Variants in MEGF10 observed in about 807,000 individuals in gnomAD.
MEGF10 encodes multiple epidermal growth factor-like domains protein 10.
MEGF10 carries 86 observed loss-of-function variants against 147.5 expected under a neutral mutation model. The ratio of observed to expected loss-of-function variants is 0.58; its 90% confidence interval spans 0.49 to 0.70. The LOEUF (loss-of-function observed/expected upper bound fraction) is 0.70, where lower values mean the gene tolerates loss of function less well. Ranked by LOEUF, MEGF10 falls within the 30% of genes least tolerant of loss-of-function variation. MEGF10 has a pLI of 0.00. For synonymous variants in MEGF10, 478 were observed against 525.5 expected, an observed-to-expected ratio of 0.91 and a Z score of 1.24; for missense variants, 1,329 against 1,487.3, an observed-to-expected ratio of 0.89 and a Z score of 1.75.
intron 4 of MEGF10, among the ~76,000 whole-genome samples, chr5:127,349,912 G>A (rs1271121987): frequency 6.6e-6 from 1 of 151,974 alleles, no homozygotes; most frequent in Admixed American, 6.6e-5. Context: ...AAATTTTTGT[G>A]CATATCTTTG....
intron 5 of MEGF10, among the ~76,000 whole-genome samples, chr5:127,387,575 A>C (rs1157564624): frequency 2.0e-5 from 3 of 152,164 alleles, no homozygotes; most frequent in African/African-American, 7.2e-5. Context: ...GATGACCATC[A>C]CTTCTTTGGG....
the MEGF10 span, among the ~76,000 whole-genome samples, chr5:127,238,141 CA>C: frequency 6.6e-6 from 1 of 151,376 alleles, no homozygotes; most frequent in Non-Finnish European, 1.5e-5. Flanking sequence ...CTGCAACCTC[CA>C]CCTCCAGGGT....
Position 127,434,565 on chromosome 5 carries a change from T to C in MEGF10, c.1841-122T>C, listed in dbSNP as rs1765492107. On this transcript the variant is annotated intron_variant, in intron 14 of 24. Transcript: ENST00000503335. ...TTTTCTACTTGGAAAATTCTCCGTA[T>C]CTTTTTTACTTTTTTTTAAGGTTTT... 9.1e-6 allele frequency: 10 copies of C among 1,093,952 alleles called. No individual in the cohort carries two copies. In the South Asian group the frequency reaches 2.0e-4, roughly 22 times the overall value. 67.8% of individuals were successfully genotyped at this position (1,093,952 alleles called of 1,614,324 possible).
chr5:127,294,734 G>A lies in MEGF10; in HGVS notation c.-19+3678G>A, dbSNP rs375647316. 9.9e-5 allele frequency among the ~76,000 whole-genome samples: 15 copies of A among 151,664 alleles called. No homozygotes were observed. The South Asian group carries it at 1.3e-3, about 13-fold the overall frequency. On this transcript the variant is annotated intron_variant, in intron 1 of 24. Transcript: ENST00000503335. Reference sequence around the variant, plus strand: ...GAATCACTTGAACTTGGGAGGCAGAGGTTGCAGTGAGCTGAGATCGCGACA... The same window carrying A: ...GAATCACTTGAACTTGGGAGGCAGAAGTTGCAGTGAGCTGAGATCGCGACA...
In MEGF10 at chr5:127,402,547, G is replaced by C. The variant is rs756499387; in HGVS notation, c.782G>C (p.Gly261Ala). 3.7e-6 allele frequency: 6 copies of C among 1,612,880 alleles called. No homozygotes were observed. The highest frequency in any genetic ancestry group is 5.1e-6 in the Non-Finnish European group (6 of 1,179,518). Residue 261 changes from glycine (G) to alanine (A), a missense_variant and splice_region_variant, in exon 8 of 25, where the codon GGC (glycine) becomes GCC (alanine). This residue lies in a region of MEGF10 where 980 missense variants were observed against 1,085.9 expected (regional missense o/e 0.90). Transcript: ENST00000503335. Reference sequence around the variant, plus strand: ...TTTTCCAAGTCTCTTTGAATGCAGGGCACAGTGTGTGGTCAGCCTTGCCCC... The same window carrying C: ...TTTTCCAAGTCTCTTTGAATGCAGGCCACAGTGTGTGGTCAGCCTTGCCCC... ...GECSCPSGWM[G>A]TVCGQPCPEG... is the part of the protein sequence containing the mutation.
At chr5:127,330,775 G>A (rs769488737) in intron 1 of MEGF10, among the ~76,000 whole-genome samples, 1 of 152,126 alleles carries the variant, frequency 6.6e-6, no homozygotes, top group Non-Finnish European at 1.5e-5. Context: ...TCCAGTCTTT[G>A]AATGATGACT....
At chr5:127,281,537 C>G in the MEGF10 span, among the ~76,000 whole-genome samples, 2 of 152,172 alleles carry the variant, frequency 1.3e-5, no homozygotes, top group Non-Finnish European at 2.9e-5. Context: ...GGCCAGTGGT[C>G]CTACCCTGGG....
chr5:127,339,249 G>A (rs1761585552), intron 3 of MEGF10, 28 bp downstream of exon 3: 2 of 1,509,248 alleles, frequency 1.3e-6, no homozygotes, highest in African/African-American at 1.4e-5. Context: ...ATGTTTGTGA[G>A]TTTGGCTAAC....
intron 22 of MEGF10, among the ~76,000 whole-genome samples, chr5:127,450,967 C>A (rs1766135404): frequency 6.6e-6 from 1 of 152,088 alleles, no homozygotes; most frequent in Admixed American, 6.6e-5. Context: ...CCATGTTGGC[C>A]AGGCTGGTCT....
chr5:127,406,128 T>C (rs1764311431), intron 8 of MEGF10, among the ~76,000 whole-genome samples: 1 of 152,228 alleles, frequency 6.6e-6, no homozygotes, highest in Admixed American at 6.5e-5. Flanking sequence ...AATATAATTT[T>C]TTTTTGCCCT....
chr5:127,259,910 A>G, the MEGF10 span, among the ~76,000 whole-genome samples: 1 of 152,142 alleles, frequency 6.6e-6, no homozygotes, highest in Non-Finnish European at 1.5e-5. Flanking sequence ...TAATCCCAGC[A>G]CTTTGGGAGA....
At position 127,455,614 on chromosome 5, in the gene MEGF10, T is replaced by C. The variant is rs753608192; in HGVS notation, c.3232+7T>C. 1.6e-5 allele frequency: 26 copies of C among 1,613,056 alleles called. No individual in the cohort carries two copies. Among genetic ancestry groups the C allele is most frequent in the Non-Finnish European group, 2.0e-5 (24 of 1,179,340 alleles). On this transcript the variant is annotated splice_region_variant and intron_variant, in intron 24 of 24. Coordinates refer to ENST00000503335, the MANE Select transcript of MEGF10 (RefSeq NM_001256545.2). ...AGGAATGTCTATGAAGTTGGTGAGTTCCCTTAACCATAGAAAGAACCGAGT... is the reference window on the plus strand; with the variant it reads ...AGGAATGTCTATGAAGTTGGTGAGTCCCCTTAACCATAGAAAGAACCGAGT...
intron 1 of MEGF10, among the ~76,000 whole-genome samples, chr5:127,304,411 C>A (rs1413869790): frequency 6.6e-6 from 1 of 152,220 alleles, no homozygotes; most frequent in Non-Finnish European, 1.5e-5. Flanking sequence ...CTCCTCAGCT[C>A]TCTGTGCCTC....
Position 127,313,591 on chromosome 5 carries a change from G to T in MEGF10, c.-18-17700G>T, listed in dbSNP as rs367919493. ...TATGGCACTTCATATTTGTTTTCTC[G>T]TCTGAAACAATATTTACAATTCACT... On this transcript the variant is annotated intron_variant, in intron 1 of 24. Transcript: ENST00000503335. Among the ~76,000 whole-genome samples the T allele has an allele frequency of 2.2e-4, 34 of 152,178 alleles. No homozygotes were observed. The East Asian group carries it at 4.1e-3, about 18-fold the overall frequency.
intron 1 of MEGF10, among the ~76,000 whole-genome samples, chr5:127,291,828 T>C (rs1010520103): frequency 2.6e-5 from 4 of 152,210 alleles, no homozygotes; most frequent in Non-Finnish European, 5.9e-5. Context: ...AAATGAATGA[T>C]GGCAATATCT....
intron 8 of MEGF10, chr5:127,409,516 C>A (rs3851468): frequency 0.021 from 3,158 of 152,354 alleles, 59 homozygotes; most frequent in Middle Eastern, 0.085. Context: ...GAGCAATGAG[C>A]GATCATTTTC....
upstream of MEGF10, among the ~76,000 whole-genome samples, chr5:127,290,330 T>G (rs1455626779): frequency 6.6e-6 from 1 of 152,236 alleles, no homozygotes; most frequent in African/African-American, 2.4e-5. Context: ...GGTCCCACCT[T>G]TGCGCTTTCT....
chr5:127,383,562 C>A (rs1763328969), intron 5 of MEGF10, among the ~76,000 whole-genome samples: 1 of 152,114 alleles, frequency 6.6e-6, no homozygotes, highest in Non-Finnish European at 1.5e-5. Context: ...AAAGCTAATA[C>A]ATATATAAAA....
Position 127,384,284 on chromosome 5 carries a change from G to A in MEGF10, c.413-12248G>A, listed in dbSNP as rs4836322. ...GTAAGTGCTCAATAAATAGAACTTC[G>A]TAGCCAGAGAAGATGCTTAACAAAT... is the stretch of plus-strand genomic sequence containing the variant. On this transcript the variant is annotated intron_variant, in intron 5 of 24. Coordinates refer to ENST00000503335, the MANE Select transcript of MEGF10 (RefSeq NM_001256545.2). Among the ~76,000 whole-genome samples the A allele has an allele frequency of 4.2e-3, 641 of 152,282 alleles. 6 individuals carry two copies. Among genetic ancestry groups the A allele is most frequent in the Non-Finnish European group, 6.2e-3 (421 of 68,018 alleles).
Sources: gnomAD v4.1 joint callset for allele counts (sites outside exome capture counted in the v4.1 genomes callset) on GRCh38, gnomAD v4.1.1 for gene constraint, gnomAD v4.1.1 regional missense constraint, MANE v1.5 for transcripts, NCBI Gene and HGNC (gene_info 2026-07-23, HGNC 2026-07-21) for gene names.